PCARE: variants seen among roughly 807,000 people sequenced by gnomAD.
PCARE encodes the protein uncharacterized protein C2orf71.
In PCARE, 72 loss-of-function variants were observed where a neutral mutation model predicts 82.2. The ratio of observed to expected loss-of-function variants is 0.88; its 90% confidence interval spans 0.72 to 1.07. The LOEUF is 1.07. PCARE is among the 50% of genes least tolerant of loss of function. The pLI, the probability that PCARE is intolerant of heterozygous loss-of-function variation, is 0.00. For missense variants in PCARE, 1,768 were observed against 1,592.4 expected, an observed-to-expected ratio of 1.11 and a Z score of -1.88; for synonymous variants, 705 against 634.8, an observed-to-expected ratio of 1.11 and a Z score of -1.66.
chr2:29,066,072 C>T (rs1032599245), intron 1 of PCARE, among the ~76,000 whole-genome samples: 8 of 152,058 alleles, frequency 5.3e-5, no homozygotes, highest in East Asian at 1.9e-4. Context: ...CGCTTGAACC[C>T]GGGAGGCAGA....
rs373472347 is a variant in PCARE, at chr2:29,073,444, T to C, written c.818A>G (p.Tyr273Cys). ...GAGCACCTGCAGCTTGCTGACTGTG[T>C]ACTGTAGCAGCTGTTGCAGGAGATT... ...QPNLLQQLLQ[Y>C]TVSKLQVLNG... Residue 273 changes from tyrosine (Y) to cysteine (C), a missense_variant, in exon 1 of 2, where the codon TAC becomes TGC. Coordinates refer to ENST00000331664, the MANE Select transcript of PCARE (RefSeq NM_001029883.3). The C allele has an allele frequency of 1.9e-5, 31 of 1,614,076 alleles. No individual in the cohort carries two copies. Among genetic ancestry groups the C allele is most frequent in the Non-Finnish European group, 2.6e-5 (31 of 1,180,044 alleles).
In PCARE at chr2:29,071,400, G is replaced by T; in HGVS notation, c.2862C>A (p.Pro954=). 2 of 1,613,744 alleles carry T rather than the reference G, an allele frequency of 1.2e-6. No individual in the cohort carries two copies. The highest frequency in any genetic ancestry group is 1.1e-5 in the South Asian group (1 of 91,086). ...AGTGGTGCCAGGCGATGGCCTTCCG[G>T]GGCTGCCTGTAGAGGCTGGTGGCCT... is the stretch of plus-strand genomic sequence containing the variant. ...AEKATSLYRQ[P]RKAIAWHHSG... The change falls in exon 1 of 2, where the codon CCC becomes CCA. Residue 954 remains proline (P), a synonymous_variant. Coordinates refer to ENST00000331664, the MANE Select transcript of PCARE (RefSeq NM_001029883.3).
chr2:29,071,151 C>T lies in PCARE; in HGVS notation c.3111G>A (p.Arg1037=). The T allele has an allele frequency of 1.3e-6, 2 of 1,580,762 alleles. No individual in the cohort carries two copies. The highest frequency in any genetic ancestry group is 1.7e-6 in the Non-Finnish European group (2 of 1,163,510). The change falls in exon 1 of 2, where the codon AGG becomes AGA. Residue 1037 remains arginine, a synonymous_variant. Coordinates refer to ENST00000331664, the MANE Select transcript of PCARE (RefSeq NM_001029883.3). ...QTPPSPPVSP[R]VLSPPTTKRR... is the part of the protein sequence containing the mutation. Reference sequence around the variant, plus strand: ...GCTTTGTGGTGGGTGGGCTTAGCACCCTGGGGCTCACAGGTGGGCTGGGGG... The same window carrying T: ...GCTTTGTGGTGGGTGGGCTTAGCACTCTGGGGCTCACAGGTGGGCTGGGGG...
rs1558490060 is a variant in PCARE, at chr2:29,073,303, CG to C, written c.958del (p.Arg320AlafsTer3). 18 of 1,614,016 alleles carry C rather than the reference CG, an allele frequency of 1.1e-5. No individual in the cohort carries two copies. Among genetic ancestry groups the C allele is most frequent in the Non-Finnish European group, 1.4e-5 (17 of 1,180,012 alleles). On this transcript the variant is annotated frameshift_variant, in exon 1 of 2. Transcript: ENST00000331664. LOFTEE classifies it high-confidence loss of function. ...KLSTKRNVDE[R>X]LLRALRQLES... ...TAGCTGCCTCAGAGCCCTCAGGAGGCGTTCATCCACATTCCTTTTTGTGCTC... is the reference window on the plus strand; with the variant it reads ...TAGCTGCCTCAGAGCCCTCAGGAGGCTTCATCCACATTCCTTTTTGTGCTC...
Position 29,072,742 on chromosome 2 carries a change from T to C in PCARE, c.1520A>G (p.Glu507Gly). Residue 507 changes from glutamate (E) to glycine (G), a missense_variant, in exon 1 of 2, where the codon GAA becomes GGA. Glu to Gly is a moderately conservative substitution (Grantham distance 98). Transcript: ENST00000331664. ...TTGTGGCCTTGAATGTGGAGTTTTT[T>C]CCTGCCAGGCACACAGACTCATGCT... is the stretch of plus-strand genomic sequence containing the variant. ...MSSMSLCAWQ[E>G]KTPHSRPQSS... 1.2e-6 allele frequency: 2 copies of C among 1,614,064 alleles called. No homozygotes were observed. Among genetic ancestry groups the C allele is most frequent in the Non-Finnish European group, 1.7e-6 (2 of 1,180,018 alleles).
At chr2:29,070,478 C>T in intron 1 of PCARE, 116 bp downstream of exon 1, 1 of 1,432,824 alleles carries the variant, frequency 7.0e-7, no homozygotes, top group Admixed American at 1.7e-5. Context: ...CCAACTGCCT[C>T]TTCTCTTGGA....
chr2:29,065,469 C>T (rs149983431), intron 1 of PCARE, among the ~76,000 whole-genome samples: 6 of 152,356 alleles, frequency 3.9e-5, no homozygotes, highest in South Asian at 2.1e-4. Context: ...AGGAAAAAAC[C>T]GGCTTCGCTC....
rs1419762319 is a variant in PCARE, at chr2:29,071,136, G to A, written c.3126C>T (p.Pro1042=). ...GTGGGGAAGTTCGCCGCTTTGTGGTGGGTGGGCTTAGCACCCTGGGGCTCA... is the reference window on the plus strand; with the variant it reads ...GTGGGGAAGTTCGCCGCTTTGTGGTAGGTGGGCTTAGCACCCTGGGGCTCA... The part of the protein sequence containing the change: ...PPVSPRVLSP[P]TTKRRTSPPH... Residue 1042 remains proline, a synonymous_variant, in exon 1 of 2, where the codon CCC becomes CCT. Transcript: ENST00000331664. The A allele has an allele frequency of 8.2e-6, 13 of 1,585,752 alleles. No individual in the cohort carries two copies. Among genetic ancestry groups the A allele is most frequent in the African/African-American group, 1.3e-5 (1 of 74,356 alleles).
At position 29,071,759 on chromosome 2, in the gene PCARE, T is replaced by C; in HGVS notation, c.2503A>G (p.Met835Val). 1.2e-6 allele frequency: 2 copies of C among 1,613,664 alleles called. No individual in the cohort carries two copies. Among genetic ancestry groups the C allele is most frequent in the Non-Finnish European group, 8.5e-7 (1 of 1,179,646 alleles). The change falls in exon 1 of 2, where the codon ATG (methionine) becomes GTG (valine). Residue 835 changes from methionine to valine, a missense_variant. Met to Val is a conservative substitution (Grantham distance 21). Transcript: ENST00000331664. Reference protein sequence around the residue: ...GNLEHLPPPPMEVLMDKSFAS... With the variant: ...GNLEHLPPPPVEVLMDKSFAS... Reference sequence around the variant, plus strand: ...AATGATTTGTCCATCAGAACTTCCATAGGCGGTGGAGGGAGGTGCTCGAGG... The same window carrying C: ...AATGATTTGTCCATCAGAACTTCCACAGGCGGTGGAGGGAGGTGCTCGAGG...
At position 29,073,018 on chromosome 2, in the gene PCARE, G is replaced by A. The variant is rs1167277721; in HGVS notation, c.1244C>T (p.Ser415Leu). Residue 415 changes from serine to leucine, a missense_variant, in exon 1 of 2, where the codon TCA (serine) becomes TTA (leucine). Ser to Leu is a moderately radical substitution (Grantham distance 145). Coordinates refer to ENST00000331664, the MANE Select transcript of PCARE (RefSeq NM_001029883.3). ...GSGRPQDCLL[S>L]GAPMAKVQPR... ...CTGAACCTTTGCCATAGGAGCCCCT[G>A]AGAGCAGGCAGTCCTGGGGTCTGCC... 6.2e-7 allele frequency: 1 copy of A among 1,614,190 alleles called. No homozygotes were observed.
rs374007089 is a variant in PCARE, at chr2:29,065,863, T to C, written c.3669-796A>G. 7.2e-5 allele frequency among the ~76,000 whole-genome samples: 11 copies of C among 152,312 alleles called. No homozygotes were observed. In the South Asian group the frequency reaches 2.3e-3, roughly 32 times the overall value. ...TTCCTTCCTTATAAAATGGAAGTAA[T>C]AGGCCGGGCGTGCTGGCTCACACCT... On this transcript the variant is annotated intron_variant, in intron 1 of 1. Coordinates refer to ENST00000331664, the MANE Select transcript of PCARE (RefSeq NM_001029883.3).
At chr2:29,065,537 C>G (rs1166816954) in intron 1 of PCARE, among the ~76,000 whole-genome samples, 1 of 152,252 alleles carries the variant, frequency 6.6e-6, no homozygotes, top group African/African-American at 2.4e-5. Flanking sequence ...CAGCGCAGGC[C>G]CCGCATTTGG....
At chr2:29,066,924 G>C (rs528845113) in intron 1 of PCARE, among the ~76,000 whole-genome samples, 1 of 152,236 alleles carries the variant, frequency 6.6e-6, no homozygotes, top group Non-Finnish European at 1.5e-5. Context: ...CCTAGAGGCT[G>C]GTAGCTCTGC....
Position 29,071,598 on chromosome 2 carries a change from G to A in PCARE, c.2664C>T (p.Pro888=). The A allele has an allele frequency of 1.9e-6, 3 of 1,612,558 alleles. No individual in the cohort carries two copies. Among genetic ancestry groups the A allele is most frequent in the African/African-American group, 1.3e-5 (1 of 75,068 alleles). The part of the protein sequence containing the change: ...ASPKLRASVS[P]LDLLPSKSTA... ...TGCTCTTGCTGGGCAGCAAGTCCAG[G>A]GGGCTCACAGAGGCCCTCAGCTTTG... The change falls in exon 1 of 2, where the codon CCC becomes CCT. Residue 888 remains proline, a synonymous_variant. Coordinates refer to ENST00000331664, the MANE Select transcript of PCARE (RefSeq NM_001029883.3).
At position 29,072,543 on chromosome 2, in the gene PCARE, C is replaced by T. The variant is rs2148416108; in HGVS notation, c.1719G>A (p.Val573=). Residue 573 remains valine, a synonymous_variant, in exon 1 of 2, where the codon GTG becomes GTA. Coordinates refer to ENST00000331664, the MANE Select transcript of PCARE (RefSeq NM_001029883.3). ...TTACCGTGCTAGGTCTTGGGGGGAC[C>T]ACTGTCCTCCCCTCCTCCTCCTCAG... The part of the protein sequence containing the change: ...DWSEEEEGRT[V]VPPRPSTVSG... The T allele has an allele frequency of 1.2e-6, 2 of 1,614,180 alleles. No individual in the cohort carries two copies. Among genetic ancestry groups the T allele is most frequent in the Non-Finnish European group, 1.7e-6 (2 of 1,180,022 alleles).
At chr2:29,066,473 G>A (rs1164113907) in intron 1 of PCARE, among the ~76,000 whole-genome samples, 1 of 152,220 alleles carries the variant, frequency 6.6e-6, no homozygotes, top group Non-Finnish European at 1.5e-5. Context: ...CTCTCTGCTC[G>A]CGACAGCACA....
chr2:29,065,126 C>G, intron 1 of PCARE, 59 bp from the exon 2 acceptor site: 1 of 1,514,828 alleles, frequency 6.6e-7, no homozygotes, highest in Non-Finnish European at 8.9e-7. Context: ...TCCTTCCTGC[C>G]CCACCCCTGT....
In PCARE at chr2:29,073,439, C is replaced by G; in HGVS notation, c.823G>C (p.Val275Leu). The G allele has an allele frequency of 6.2e-7, 1 of 1,614,168 alleles. No individual in the cohort carries two copies. The highest frequency in any genetic ancestry group is 8.5e-7 in the Non-Finnish European group (1 of 1,180,030). The part of the protein sequence containing the change: ...NLLQQLLQYT[V>L]SKLQVLNGTV... ...CCATTGAGCACCTGCAGCTTGCTGACTGTGTACTGTAGCAGCTGTTGCAGG... is the reference window on the plus strand; with the variant it reads ...CCATTGAGCACCTGCAGCTTGCTGAGTGTGTACTGTAGCAGCTGTTGCAGG... The change falls in exon 1 of 2, where the codon GTC (valine) becomes CTC (leucine). Residue 275 changes from valine to leucine, a missense_variant. By Grantham distance (32) the Val-to-Leu change is conservative. Transcript: ENST00000331664.
rs530768397 is a variant in PCARE at position 29,062,924 on chromosome 2, C to T, written c.*1945G>A. The T allele has an allele frequency of 1.3e-5, 2 of 152,272 alleles. No individual in the cohort carries two copies. The highest frequency in any genetic ancestry group is 1.5e-5 in the Non-Finnish European group (1 of 68,088). The allele number at this position is 152,272 out of a possible 1,614,324, so 9.4% of individuals were successfully genotyped here. A position where few individuals can be genotyped will look rare whatever the true frequency, so the allele number is the denominator to read the frequency against. On this transcript the variant is annotated 3_prime_UTR_variant, in exon 2 of 2. Coordinates refer to ENST00000331664, the MANE Select transcript of PCARE (RefSeq NM_001029883.3). ...CCTCGGACCTCCAGGAATCCTGCCC[C>T]TAAATCTGAGCCCAGGCAGGGCCCA...
Sources: allele counts gnomAD v4.1 joint callset (sites outside exome capture counted in the v4.1 genomes callset), GRCh38; gene constraint gnomAD v4.1.1; transcripts MANE v1.5; gene names NCBI Gene and HGNC (gene_info 2026-07-23, HGNC 2026-07-21).